DHODH: variants seen among roughly 807,000 people sequenced by gnomAD.
The protein encoded by DHODH is dihydroorotate dehydrogenase (quinone), mitochondrial.
In DHODH, 30 loss-of-function variants were observed where a neutral mutation model predicts 39.7. That is an observed-to-expected ratio of 0.76 (90% CI 0.57 to 1.02). DHODH has a LOEUF of 1.02. DHODH is among the 50% of genes least tolerant of loss of function. The pLI is 0.00. For missense variants in DHODH, 531 were observed against 520.8 expected (o/e 1.02, Z -0.19); for synonymous variants, 222 against 213.8 (o/e 1.04, Z -0.34).
rs540421595 is a variant in DHODH, at chr16:72,012,924, C to A, written c.234+662C>A. Among the ~76,000 whole-genome samples the A allele has an allele frequency of 3.9e-4, 60 of 152,326 alleles. 2 individuals are homozygous for A. The highest frequency in any genetic ancestry group is 2.0e-4 in the Admixed American group (3 of 15,296). ...AGCGGAAGGCTAAGGGCCTCTGTTT[C>A]ATGTGACCTTCCGGGCTTAGTGCAG... is the stretch of plus-strand genomic sequence containing the variant. On this transcript the variant is annotated intron_variant, in intron 2 of 8. Transcript: ENST00000219240.
chr16:72,008,806 G>C, intron 1 of DHODH, 21 bp downstream of exon 1: 2 of 1,552,512 alleles, frequency 1.3e-6, no homozygotes, highest in East Asian at 2.4e-5. Flanking sequence ...CGAGTGAGCA[G>C]TGTGGATGGG....
chr16:72,011,902 G>A (rs2041085373), intron 1 of DHODH, 148 bp from the exon 2 acceptor site: 1 of 650,546 alleles, frequency 1.5e-6, no homozygotes, highest in Admixed American at 2.5e-5. Flanking sequence ...TACAGCCTCT[G>A]ACTGTAGAGA....
At chr16:72,020,167 T>G (rs141305769) in intron 4 of DHODH, among the ~76,000 whole-genome samples, 16,334 of 151,242 alleles carry the variant, frequency 0.11, 1,215 homozygotes, top group South Asian at 0.16. Context: ...TCCCAGCTAC[T>G]CAGGAGGCTG....
Position 72,012,081 on chromosome 16 carries a change from G to A in DHODH, c.53G>A (p.Gly18Glu). The stretch of plus-strand genomic sequence containing the variant: ...GCCCAGGATGCTGTGATCATCCTGG[G>A]GGGAGGAGGACTTCTCTTCGCCTCC... ...KRAQDAVIIL[G>E]GGGLLFASYL... is the part of the protein sequence containing the mutation. Residue 18 changes from glycine to glutamate, a missense_variant, in exon 2 of 9, where the codon GGG becomes GAG. Coordinates refer to ENST00000219240, the MANE Select transcript of DHODH (RefSeq NM_001361.5). 6.2e-7 allele frequency: 1 copy of A among 1,614,168 alleles called. No individual in the cohort carries two copies. Among genetic ancestry groups the A allele is most frequent in the Non-Finnish European group, 8.5e-7 (1 of 1,180,026 alleles).
Position 72,013,552 on chromosome 16 carries a change from T to G in DHODH, c.235-921T>G, listed in dbSNP as rs532812725. 3 of 152,338 alleles carry G rather than the reference T, an allele frequency of 2.0e-5. No homozygotes were observed. In the South Asian group the frequency reaches 6.2e-4, roughly 32 times the overall value. 9.4% of individuals were successfully genotyped at this position (152,338 alleles called of 1,614,324 possible). On this transcript the variant is annotated intron_variant, in intron 2 of 8. Coordinates refer to ENST00000219240, the MANE Select transcript of DHODH (RefSeq NM_001361.5). ...AGGATTCTTGATTTCACAACTTTCC[T>G]GGTTTGGCTCTCCACCCTTCACCTA...
Position 72,014,562 on chromosome 16 carries a change from T to C in DHODH, c.324T>C (p.Tyr108=), listed in dbSNP as rs370953537. 16 of 1,614,052 alleles carry C rather than the reference T, an allele frequency of 9.9e-6. No homozygotes were observed. In the African/African-American group the frequency reaches 1.2e-4, roughly 12 times the overall value. ...DKHGEAVDGL[Y]KMGFGFVEIG... ...ATGGGGAAGCCGTGGACGGACTTTA[T>C]AAGATGGGCTTTGGTTTTGTTGAGA... Residue 108 remains tyrosine (Y), a synonymous_variant, in exon 3 of 9, where the codon TAT becomes TAC. Coordinates refer to ENST00000219240, the MANE Select transcript of DHODH (RefSeq NM_001361.5).
chr16:72,019,808 G>A (rs561406747), intron 4 of DHODH, among the ~76,000 whole-genome samples: 1 of 152,268 alleles, frequency 6.6e-6, no homozygotes, highest in Admixed American at 6.5e-5. Flanking sequence ...AAAATTATAA[G>A]TTAGAAAACA....
At chr16:72,015,829 G>C (rs916378655) in intron 3 of DHODH, 2 of 985,394 alleles carry the variant, frequency 2.0e-6, no homozygotes, top group Admixed American at 6.1e-5. Flanking sequence ...TGAGCCCTGT[G>C]TGTGCGGCCT....
At chr16:72,023,696 G>A (rs1217452363) in intron 8 of DHODH, 63 bp downstream of exon 8, 5 of 1,599,798 alleles carry the variant, frequency 3.1e-6, no homozygotes, top group Non-Finnish European at 4.3e-6. Context: ...GATCACTCAA[G>A]TCAACGAGAT....
rs2041280400 is a variant in DHODH at position 72,026,944 on chromosome 16, C to G, written c.*2745C>G. Reference sequence around the variant, plus strand: ...TAGCTGGGATTACAGGTGCCCACTACCACACCCAGCTAATTTGTGTGTGTG... The same window carrying G: ...TAGCTGGGATTACAGGTGCCCACTAGCACACCCAGCTAATTTGTGTGTGTG... On this transcript the variant is annotated 3_prime_UTR_variant, in exon 9 of 9. Coordinates refer to ENST00000219240, the MANE Select transcript of DHODH (RefSeq NM_001361.5). 6.7e-6 allele frequency: 1 copy of G among 149,718 alleles called. No homozygotes were observed. Among genetic ancestry groups the G allele is most frequent in the Admixed American group, 6.8e-5 (1 of 14,762 alleles). The allele number at this position is 149,718 out of a possible 1,614,324, so 9.3% of individuals were successfully genotyped here.
chr16:72,014,365 G>T, intron 2 of DHODH, 108 bp from the exon 3 acceptor site: 1 of 1,144,820 alleles, frequency 8.7e-7, no homozygotes, highest in South Asian at 1.3e-5. Flanking sequence ...GGGATCTGAG[G>T]TTTCACAAGC....
intron 2 of DHODH, 98 bp from the exon 3 acceptor site, chr16:72,014,375 C>A: frequency 1.6e-6 from 2 of 1,254,344 alleles, no homozygotes; most frequent in Non-Finnish European, 1.2e-6. Context: ...GTTTCACAAG[C>A]TTCCCAGGTC....
At chr16:72,022,199 G>A (rs112810961) in intron 5 of DHODH, among the ~76,000 whole-genome samples, 163 bp from the exon 6 acceptor site, 23 of 152,048 alleles carry the variant, frequency 1.5e-4, no homozygotes, top group Admixed American at 3.3e-4. Context: ...GATCCATCTC[G>A]ACTGTACTCC....
chr16:72,011,207 G>A (rs2041077853), intron 1 of DHODH, among the ~76,000 whole-genome samples: 1 of 152,216 alleles, frequency 6.6e-6, no homozygotes, highest in East Asian at 1.9e-4. Flanking sequence ...ACACAGGTGT[G>A]TTACATATCA....
intron 4 of DHODH, among the ~76,000 whole-genome samples, chr16:72,017,474 A>G (rs913527157): frequency 6.6e-6 from 1 of 152,186 alleles, no homozygotes; most frequent in Non-Finnish European, 1.5e-5. Flanking sequence ...TTTGTCATCC[A>G]TTGTGTAAAT....
intron 1 of DHODH, among the ~76,000 whole-genome samples, chr16:72,011,177 C>A (rs1295134334): frequency 6.6e-6 from 1 of 152,168 alleles, no homozygotes. Flanking sequence ...GTGTTTAAGT[C>A]TCTACTTAGA....
At chr16:72,016,857 A>G in intron 3 of DHODH, 167 bp from the exon 4 acceptor site, 1 of 680,462 alleles carries the variant, frequency 1.5e-6, no homozygotes, top group East Asian at 2.9e-5. Flanking sequence ...TGGGTATTGG[A>G]TGGTGTTCTG....
At chr16:72,017,535 A>G (rs2041154927) in intron 4 of DHODH, among the ~76,000 whole-genome samples, 1 of 152,240 alleles carries the variant, frequency 6.6e-6, no homozygotes, top group Non-Finnish European at 1.5e-5. Context: ...GCGTAAAGAA[A>G]GAATGTTCAA....
chr16:72,014,329 A>G, intron 2 of DHODH, 144 bp from the exon 3 acceptor site: 1 of 757,016 alleles, frequency 1.3e-6, no homozygotes, highest in Non-Finnish European at 2.2e-6. Flanking sequence ...CCACCCCCAA[A>G]GATTTTGACC....
Sources: allele counts gnomAD v4.1 joint callset (sites outside exome capture counted in the v4.1 genomes callset), GRCh38; gene constraint gnomAD v4.1.1; transcripts MANE v1.5; gene names NCBI Gene and HGNC (gene_info 2026-07-23, HGNC 2026-07-21).